ZNF829: variants seen among roughly 807,000 people sequenced by gnomAD.
ZNF829 encodes zinc finger protein 829.
Under a neutral mutation model 35.2 loss-of-function variants are expected in ZNF829, and 25 were observed. The observed-to-expected ratio is 0.71, with a 90% CI of 0.52 to 0.99. ZNF829 has a LOEUF of 0.99. ZNF829 is among the 50% of genes least tolerant of loss of function. The pLI, the probability that ZNF829 is intolerant of heterozygous loss-of-function variation, is 0.00. For synonymous variants in ZNF829, 136 were observed against 163.2 expected, an observed-to-expected ratio of 0.83 and a Z score of 1.27; for missense variants, 417 against 515.3, an observed-to-expected ratio of 0.81 and a Z score of 1.85.
chr19:36,915,305 A>G, intron 1 of ZNF829, 54 bp from the exon 2 acceptor site: 2 of 1,538,580 alleles, frequency 1.3e-6, no homozygotes, highest in Non-Finnish European at 1.7e-6. Flanking sequence ...CCCCATACTC[A>G]TACACAGAAT....
intron 5 of ZNF829, among the ~76,000 whole-genome samples, chr19:36,896,727 A>G (rs1437855637): frequency 6.6e-6 from 1 of 152,258 alleles, no homozygotes; most frequent in Non-Finnish European, 1.5e-5. Flanking sequence ...TTAGGCCATA[A>G]GACAAGTTAT....
At chr19:36,898,271 A>G (rs189865901) in intron 5 of ZNF829, among the ~76,000 whole-genome samples, 7 of 152,346 alleles carry the variant, frequency 4.6e-5, no homozygotes, top group Admixed American at 2.0e-4. Flanking sequence ...GCTACAAAAA[A>G]CAACCTAGAA....
rs2073043565 is a variant in ZNF829, at chr19:36,890,810, C to G, written c.*682G>C. On this transcript the variant is annotated 3_prime_UTR_variant, in exon 6 of 6. Transcript: ENST00000391711. The stretch of plus-strand genomic sequence containing the variant: ...GCTGGAGGTTGCAGTGAGCTGAGAT[C>G]ACACCACTGCACTCCAGCCTGGGCA... The G allele has an allele frequency of 6.6e-6, 1 of 151,978 alleles. No individual in the cohort carries two copies. Among genetic ancestry groups the G allele is most frequent in the South Asian group, 2.1e-4 (1 of 4,822 alleles). 9.4% of individuals were successfully genotyped at this position (151,978 alleles called of 1,614,324 possible).
chr19:36,897,986 T>C (rs1430395087), intron 5 of ZNF829, among the ~76,000 whole-genome samples: 1 of 152,184 alleles, frequency 6.6e-6, no homozygotes, highest in Non-Finnish European at 1.5e-5. Flanking sequence ...CTGGCCAACA[T>C]GGTGAAACCT....
intron 5 of ZNF829, among the ~76,000 whole-genome samples, chr19:36,904,545 G>T (rs948852135): frequency 1.3e-5 from 2 of 152,082 alleles, no homozygotes; most frequent in East Asian, 3.9e-4. Flanking sequence ...GACTACGGGC[G>T]CCTGCCACTA....
chr19:36,897,953 G>A (rs2073127694), intron 5 of ZNF829, among the ~76,000 whole-genome samples: 1 of 152,216 alleles, frequency 6.6e-6, no homozygotes, highest in Non-Finnish European at 1.5e-5. Flanking sequence ...TGGATCACTT[G>A]AGGTCACGAG....
intron 5 of ZNF829, chr19:36,901,693 G>T: frequency 2.5e-6 from 1 of 398,434 alleles, no homozygotes. Flanking sequence ...TAGTTTGAAT[G>T]TGCTAGCCTT....
intron 5 of ZNF829, chr19:36,905,594 C>G (rs934626319): frequency 2.0e-5 from 3 of 152,096 alleles, no homozygotes; most frequent in Non-Finnish European, 2.9e-5. Context: ...CCCGCCACCA[C>G]ACCTGGCTAA....
In ZNF829 at chr19:36,907,910, G is replaced by A. The variant is rs1398890317; in HGVS notation, c.319+19C>T. 6.3e-7 allele frequency: 1 copy of A among 1,599,720 alleles called. No individual in the cohort carries two copies. The highest frequency in any genetic ancestry group is 1.7e-5 in the Admixed American group (1 of 59,712). On this transcript the variant is annotated intron_variant, in intron 5 of 5. Transcript: ENST00000391711. ...TATCTCTTTATAGCCCTGCTCCTGA[G>A]CCATCATCTCTTACTTACCTGAACA...
chr19:36,900,073 A>G lies in ZNF829; in HGVS notation c.320-7602T>C, dbSNP rs550618841. ...GTAATCCCAGCACTTTGGGAGGCCAAGGTGGGTGGATCACTTGAGGTCCGG... is the reference window on the plus strand; with the variant it reads ...GTAATCCCAGCACTTTGGGAGGCCAGGGTGGGTGGATCACTTGAGGTCCGG... On this transcript the variant is annotated intron_variant, in intron 5 of 5. Coordinates refer to ENST00000391711, the MANE Select transcript of ZNF829 (RefSeq NM_001037232.4). Among the ~76,000 whole-genome samples the G allele has an allele frequency of 5.0e-4, 75 of 151,438 alleles. 1 individual carries two copies. The highest frequency in any genetic ancestry group is 1.0e-3 in the Non-Finnish European group (68 of 67,912).
intron 5 of ZNF829, among the ~76,000 whole-genome samples, chr19:36,898,772 T>C (rs2073135804): frequency 2.0e-5 from 3 of 152,112 alleles, no homozygotes; most frequent in African/African-American, 7.2e-5. Flanking sequence ...CGCTGTTCAA[T>C]AAATGGTGCT....
At chr19:36,902,157 G>C in intron 5 of ZNF829, 4 of 196,708 alleles carry the variant, frequency 2.0e-5, no homozygotes, top group Non-Finnish European at 9.8e-6. Context: ...TTATAAAATT[G>C]CAAAAAAAAA....
At chr19:36,895,786 A>G (rs1289165398) in intron 5 of ZNF829, among the ~76,000 whole-genome samples, 1 of 152,252 alleles carries the variant, frequency 6.6e-6, no homozygotes, top group Admixed American at 6.5e-5. Context: ...TAAATGGGTC[A>G]ATTCAGCCAG....
At chr19:36,900,945 C>T (rs1037977864) in intron 5 of ZNF829, among the ~76,000 whole-genome samples, 4 of 151,934 alleles carry the variant, frequency 2.6e-5, no homozygotes, top group Non-Finnish European at 4.4e-5. Context: ...ATGGTGCAGC[C>T]AATTTGGAAA....
At chr19:36,900,685 T>C (rs181349613) in intron 5 of ZNF829, among the ~76,000 whole-genome samples, 49 of 151,714 alleles carry the variant, frequency 3.2e-4, no homozygotes, top group African/African-American at 1.0e-3. Context: ...TCATCTCTAC[T>C]AAAAATACAA....
chr19:36,902,773 C>T (rs571352106), intron 5 of ZNF829, among the ~76,000 whole-genome samples: 14 of 152,304 alleles, frequency 9.2e-5, no homozygotes, highest in African/African-American at 2.4e-4. Context: ...CAGTGGCTCA[C>T]GCCTATAATC....
intron 5 of ZNF829, among the ~76,000 whole-genome samples, chr19:36,905,257 A>C (rs1305764578): frequency 6.6e-6 from 1 of 152,106 alleles, no homozygotes; most frequent in Non-Finnish European, 1.5e-5. Flanking sequence ...AAGCCTACAC[A>C]TTTTCTAAAC....
In ZNF829 at chr19:36,888,224, A is replaced by G. The variant is rs1354718254; in HGVS notation, c.*3268T>C. On this transcript the variant is annotated 3_prime_UTR_variant, in exon 6 of 6. Coordinates refer to ENST00000391711, the MANE Select transcript of ZNF829 (RefSeq NM_001037232.4). Reference sequence around the variant, plus strand: ...AACATAGAAATAGAAATGAAATTATAAATTGTGCTGTCTTGTTTGATCAAA... The same window carrying G: ...AACATAGAAATAGAAATGAAATTATGAATTGTGCTGTCTTGTTTGATCAAA... 2 of 152,188 alleles carry G rather than the reference A, an allele frequency of 1.3e-5. No homozygotes were observed. Among genetic ancestry groups the G allele is most frequent in the Admixed American group, 6.5e-5 (1 of 15,278 alleles). The allele number at this position is 152,188 out of a possible 1,614,324, so 9.4% of individuals were successfully genotyped here. A position where few individuals can be genotyped will look rare whatever the true frequency, so the allele number is the denominator to read the frequency against.
chr19:36,895,794 C>T (rs1228047015), intron 5 of ZNF829, among the ~76,000 whole-genome samples: 1 of 152,132 alleles, frequency 6.6e-6, no homozygotes, highest in African/African-American at 2.4e-5. Flanking sequence ...TCAATTCAGC[C>T]AGAGGATATA....
Sources: gnomAD v4.1 joint callset for allele counts (sites outside exome capture counted in the v4.1 genomes callset) on GRCh38, gnomAD v4.1.1 for gene constraint, MANE v1.5 for transcripts, NCBI Gene and HGNC (gene_info 2026-07-23, HGNC 2026-07-21) for gene names.